The following CFAP77 variants were observed in gnomAD, a reference collection of about 807,000 sequenced individuals.
CFAP77 encodes the protein cilia- and flagella-associated protein 77.
In CFAP77, 25 loss-of-function variants were observed where a neutral mutation model predicts 31.1. The observed-to-expected ratio is 0.80, with a 90% confidence interval of 0.59 to 1.12. The LOEUF is 1.12. Among genes scored for constraint, CFAP77 ranks in the 50% most tolerant of loss-of-function variants. CFAP77 has a pLI of 0.00. For missense variants in CFAP77, 377 were observed against 397.3 expected, an observed-to-expected ratio of 0.95 and a Z score of 0.44; for synonymous variants, 151 against 159.9, an observed-to-expected ratio of 0.94 and a Z score of 0.42.
chr9:132,414,597 C>G (rs1270418915), intron 1 of CFAP77, among the ~76,000 whole-genome samples: 2 of 151,856 alleles, frequency 1.3e-5, no homozygotes, highest in African/African-American at 2.4e-5. Flanking sequence ...CGTAAGTTTT[C>G]AAGTGAGCTG....
chr9:132,427,539 C>T (rs559482216), intron 1 of CFAP77, among the ~76,000 whole-genome samples: 2 of 152,076 alleles, frequency 1.3e-5, no homozygotes, highest in African/African-American at 2.4e-5. Context: ...CGCTTGAACC[C>T]GGGAGGCGGA....
rs1396666646 is a variant in CFAP77 at position 132,424,551 on chromosome 9, G to A, written c.195+14085G>A. ...GAGAAATTGGCTGCCATGAGCTTGG[G>A]TGCATTTTTAGGGGAAGTCTGGAGG... is the stretch of plus-strand genomic sequence containing the variant. On this transcript the variant is annotated intron_variant, in intron 1 of 5. Coordinates refer to ENST00000393216, the MANE Select transcript of CFAP77 (RefSeq NM_001282957.2). The surrounding 1 kb of genome is among the most constrained non-coding windows in gnomAD (Gnocchi z 4.1). 2.0e-5 allele frequency among the ~76,000 whole-genome samples: 3 copies of A among 152,194 alleles called. No individual in the cohort carries two copies. Among genetic ancestry groups the A allele is most frequent in the Non-Finnish European group, 1.5e-5 (1 of 68,036 alleles).
intron 1 of CFAP77, among the ~76,000 whole-genome samples, chr9:132,443,504 C>T (rs1293420838): frequency 6.6e-6 from 1 of 152,096 alleles, no homozygotes; most frequent in African/African-American, 2.4e-5. Flanking sequence ...CCGCCTGCCT[C>T]GGCTTCCCAA....
chr9:132,445,729 C>A (rs968077511), intron 1 of CFAP77, among the ~76,000 whole-genome samples: 2 of 151,776 alleles, frequency 1.3e-5, no homozygotes, highest in Non-Finnish European at 2.9e-5. Context: ...ATTGGCCAGG[C>A]GTCATGGTGG....
intron 1 of CFAP77, among the ~76,000 whole-genome samples, chr9:132,457,298 G>C (rs1037253769): frequency 4.1e-5 from 6 of 145,956 alleles, no homozygotes; most frequent in Admixed American, 3.6e-4. Flanking sequence ...ATCTTAAGAC[G>C]GGGACGGGGG....
intron 5 of CFAP77, among the ~76,000 whole-genome samples, chr9:132,553,429 C>T (rs1448554045): frequency 6.6e-6 from 1 of 152,102 alleles, no homozygotes; most frequent in Non-Finnish European, 1.5e-5. Context: ...AAGTGAGACT[C>T]TGTCTCTACA....
rs1043051932 is a variant in CFAP77, at chr9:132,505,920, C to T, written c.524+6320C>T. On this transcript the variant is annotated intron_variant, in intron 3 of 5. Transcript: ENST00000393216. ...TGTGTCCTCTGATAACAGTATGAGCCACCGCTAACAAAAGCTGCTCTGCAT... is the reference window on the plus strand; with the variant it reads ...TGTGTCCTCTGATAACAGTATGAGCTACCGCTAACAAAAGCTGCTCTGCAT... Among the ~76,000 whole-genome samples the T allele has an allele frequency of 3.0e-4, 45 of 152,208 alleles. 1 individual carries two copies. Among genetic ancestry groups the T allele is most frequent in the African/African-American group, 1.0e-3 (43 of 41,428 alleles).
At chr9:132,427,162 C>T (rs573373231) in intron 1 of CFAP77, among the ~76,000 whole-genome samples, 16 of 152,236 alleles carry the variant, frequency 1.1e-4, no homozygotes, top group Non-Finnish European at 2.2e-4. Flanking sequence ...GGGCCAGAAC[C>T]GGCTTCCCCA....
intron 1 of CFAP77, among the ~76,000 whole-genome samples, chr9:132,456,491 CA>C (rs1234937636): frequency 6.6e-6 from 1 of 152,206 alleles, no homozygotes; most frequent in East Asian, 1.9e-4. Context: ...AAATACTAGA[CA>C]GGGGCAGTGC....
chr9:132,441,350 A>C (rs964980611), intron 1 of CFAP77, among the ~76,000 whole-genome samples: 6 of 152,204 alleles, frequency 3.9e-5, no homozygotes, highest in African/African-American at 1.4e-4. Flanking sequence ...ATTGTAGTGA[A>C]GTTGACAGCT....
At chr9:132,549,362 A>G (rs1852788254) in intron 5 of CFAP77, among the ~76,000 whole-genome samples, 1 of 152,212 alleles carries the variant, frequency 6.6e-6, no homozygotes, top group African/African-American at 2.4e-5. Flanking sequence ...TCGGAATAAG[A>G]ATCATCTTAC....
intron 5 of CFAP77, among the ~76,000 whole-genome samples, chr9:132,559,496 C>G (rs775708805): frequency 6.6e-6 from 1 of 152,068 alleles, no homozygotes; most frequent in Admixed American, 6.5e-5. Context: ...CTTCACTCCC[C>G]CTACAACGGC....
At chr9:132,535,041 C>T (rs746489157) in intron 3 of CFAP77, among the ~76,000 whole-genome samples, 10 of 152,216 alleles carry the variant, frequency 6.6e-5, no homozygotes, top group Non-Finnish European at 1.2e-4. Context: ...TTAGAGACCA[C>T]AGTCTGGGCA....
intron 1 of CFAP77, 23 bp downstream of exon 1, chr9:132,410,489 G>C (rs186381239): frequency 4.6e-6 from 7 of 1,532,652 alleles, no homozygotes; most frequent in Non-Finnish European, 4.4e-6. Flanking sequence ...CGCCCACCGC[G>C]CTTTCGCTGT....
At chr9:132,487,606 T>C (rs1432388438) in intron 1 of CFAP77, among the ~76,000 whole-genome samples, 1 of 151,698 alleles carries the variant, frequency 6.6e-6, no homozygotes, top group Non-Finnish European at 1.5e-5. Context: ...AACGTGGTTG[T>C]AACAGTAGTC....
intron 1 of CFAP77, among the ~76,000 whole-genome samples, chr9:132,461,712 T>A (rs1159959295): frequency 6.6e-6 from 1 of 152,204 alleles, no homozygotes; most frequent in East Asian, 1.9e-4. Flanking sequence ...TTCCCAGGCC[T>A]GGCCGATGAA....
intron 5 of CFAP77, among the ~76,000 whole-genome samples, chr9:132,561,094 T>G (rs1194841427): frequency 6.6e-6 from 1 of 152,178 alleles, no homozygotes; most frequent in Non-Finnish European, 1.5e-5. Context: ...GGACCCAGCC[T>G]GCTCTCCCAC....
At chr9:132,537,542 G>A (rs1373064851) in intron 3 of CFAP77, 59 bp from the exon 4 acceptor site, 14 of 1,312,124 alleles carry the variant, frequency 1.1e-5, no homozygotes, top group African/African-American at 1.5e-5. Context: ...GGGCGGTGGG[G>A]AGCGGGTGCC....
chr9:132,536,879 A>G (rs1029480325), intron 3 of CFAP77, among the ~76,000 whole-genome samples: 1 of 152,166 alleles, frequency 6.6e-6, no homozygotes, highest in African/African-American at 2.4e-5. Context: ...CTCATCTGTA[A>G]GATGGGAATA....
Sources: gnomAD v4.1 joint callset for allele counts (sites outside exome capture counted in the v4.1 genomes callset) on GRCh38, gnomAD v4.1.1 for gene constraint, Gnocchi (gnomAD v3.1) non-coding constraint, MANE v1.5 for transcripts, NCBI Gene and HGNC (gene_info 2026-07-23, HGNC 2026-07-21) for gene names.